TGFB2: variants seen among roughly 807,000 people sequenced by gnomAD.
TGFB2 encodes transforming growth factor beta 2, also known as transforming growth factor beta-2 proprotein.
A neutral mutation model predicts 42.7 loss-of-function variants in TGFB2; 13 were observed. That is an observed-to-expected ratio of 0.30 (90% CI 0.20 to 0.48). The LOEUF (loss-of-function observed/expected upper bound fraction) is 0.48, where lower values mean the gene tolerates loss of function less well. Ranked by LOEUF, TGFB2 falls within the 20% of genes least tolerant of loss-of-function variation. The pLI, the probability that TGFB2 is intolerant of heterozygous loss-of-function variation, is 0.99. For synonymous variants in TGFB2, 193 were observed against 193.6 expected (o/e 1.00, Z 0.03); for missense variants, 390 against 517.5 (o/e 0.75, Z 2.39).
At chr1:218,370,948 A>AGTCTACCAC (rs1657550084) in intron 1 of TGFB2, among the ~76,000 whole-genome samples, 1 of 152,182 alleles carries the variant, frequency 6.6e-6, no homozygotes, top group African/African-American at 2.4e-5. Context: ...CAAATGATAC[A>AGTCTACCAC]GTCTACCACA....
intron 2 of TGFB2, among the ~76,000 whole-genome samples, chr1:218,418,557 C>T (rs1456628315): frequency 1.3e-5 from 2 of 152,056 alleles, no homozygotes; most frequent in Non-Finnish European, 2.9e-5. Flanking sequence ...CTTTGGGGAG[C>T]TGTTGAGAAG....
At chr1:218,389,070 G>A (rs542237900) in intron 1 of TGFB2, among the ~76,000 whole-genome samples, 10 of 152,218 alleles carry the variant, frequency 6.6e-5, no homozygotes, top group South Asian at 4.1e-4. Context: ...CACTTACATC[G>A]AATCATTTGG....
chr1:218,427,649 A>G (rs1336026122), intron 2 of TGFB2, among the ~76,000 whole-genome samples: 4 of 152,088 alleles, frequency 2.6e-5, no homozygotes, highest in Non-Finnish European at 5.9e-5. Flanking sequence ...CCATGTCCCT[A>G]CAGAAGACAT....
intron 1 of TGFB2, among the ~76,000 whole-genome samples, chr1:218,392,285 G>A (rs1890993): frequency 1.1e-4 from 17 of 152,128 alleles, no homozygotes; most frequent in East Asian, 3.9e-4. Context: ...CCCAGGAGGC[G>A]GAGCTTGCAG....
At chr1:218,394,031 C>T (rs780461640) in intron 1 of TGFB2, among the ~76,000 whole-genome samples, 47 of 151,986 alleles carry the variant, frequency 3.1e-4, no homozygotes, top group Admixed American at 3.3e-4. Flanking sequence ...CTCAGCCTCC[C>T]GAGTAGCTGG....
chr1:218,387,152 G>A (rs1247071056), intron 1 of TGFB2, among the ~76,000 whole-genome samples: 1 of 152,048 alleles, frequency 6.6e-6, no homozygotes, highest in Admixed American at 6.6e-5. Flanking sequence ...GACTGACATG[G>A]CATGGGTGTG....
chr1:218,416,544 G>C (rs1024280775), intron 2 of TGFB2, among the ~76,000 whole-genome samples: 4 of 152,142 alleles, frequency 2.6e-5, no homozygotes, highest in African/African-American at 9.7e-5. Context: ...TATGGAAGAG[G>C]AAAATGATAA....
intron 2 of TGFB2, among the ~76,000 whole-genome samples, chr1:218,411,974 T>C (rs1282052640): frequency 2.0e-5 from 3 of 151,182 alleles, no homozygotes; most frequent in Non-Finnish European, 4.4e-5. Context: ...GGAAAGGAAA[T>C]AGATCCCATA....
At position 218,442,249 on chromosome 1, in the gene TGFB2, T is replaced by G. The variant is rs892629012; in HGVS notation, c.*887T>G. ...ACATGTACTGGTCAAACTTCAGACCTTAAAATATTGCTGTATAGCTATGCT... is the reference window on the plus strand; with the variant it reads ...ACATGTACTGGTCAAACTTCAGACCGTAAAATATTGCTGTATAGCTATGCT... On this transcript the variant is annotated 3_prime_UTR_variant, in exon 7 of 7. Transcript: ENST00000366930. 6.6e-6 allele frequency: 1 copy of G among 152,132 alleles called. No homozygotes were observed. Among genetic ancestry groups the G allele is most frequent in the Non-Finnish European group, 1.5e-5 (1 of 68,000 alleles). The allele number at this position is 152,132 out of a possible 1,614,324, so 9.4% of individuals were successfully genotyped here.
chr1:218,346,722 C>A lies in TGFB2; in HGVS notation c.21C>A (p.Ser7Arg). The change falls in exon 1 of 7, where the codon AGC (serine) becomes AGA (arginine). Residue 7 changes from serine (S) to arginine (R), a missense_variant. Ser to Arg is a moderately radical substitution (Grantham distance 110, BLOSUM62 -1). Transcript: ENST00000366930. The surrounding 1 kb of genome is among the most constrained non-coding windows in gnomAD (Gnocchi z 4.9). The stretch of plus-strand genomic sequence containing the variant: ...AAAAAATGCACTACTGTGTGCTGAG[C>A]GCTTTTCTGATCCTGCATCTGGTCA... Reference protein sequence around the residue: MHYCVLSAFLILHLVTV... With the variant: MHYCVLRAFLILHLVTV... The A allele has an allele frequency of 6.2e-7, 1 of 1,613,238 alleles. No homozygotes were observed.
chr1:218,378,017 C>T (rs1657803124), intron 1 of TGFB2, among the ~76,000 whole-genome samples: 1 of 151,986 alleles, frequency 6.6e-6, no homozygotes, highest in South Asian at 2.1e-4. Flanking sequence ...GCTCTGTTTC[C>T]CAGGCTGGAG....
chr1:218,420,728 T>A (rs1197801347), intron 2 of TGFB2, among the ~76,000 whole-genome samples: 2 of 152,178 alleles, frequency 1.3e-5, no homozygotes, highest in Non-Finnish European at 2.9e-5. Context: ...TACTGTATCA[T>A]AATTTCACAT....
chr1:218,355,147 G>A (rs546173744), intron 1 of TGFB2, among the ~76,000 whole-genome samples: 10 of 152,262 alleles, frequency 6.6e-5, no homozygotes, highest in South Asian at 2.1e-4. Flanking sequence ...TGATCCATCC[G>A]CCTCGGTCTC....
intron 1 of TGFB2, among the ~76,000 whole-genome samples, chr1:218,356,427 C>G (rs1198783668): frequency 3.3e-5 from 5 of 152,022 alleles, no homozygotes; most frequent in African/African-American, 9.7e-5. Flanking sequence ...TCATGTTGTT[C>G]AAGCTGGTCT....
chr1:218,412,311 G>T (rs1468042594), intron 2 of TGFB2, among the ~76,000 whole-genome samples: 1 of 152,230 alleles, frequency 6.6e-6, no homozygotes, highest in African/African-American at 2.4e-5. Flanking sequence ...CAGGCAACTT[G>T]CCATCTTGGT....
chr1:218,372,427 T>G (rs115022848), intron 1 of TGFB2, among the ~76,000 whole-genome samples: 3,556 of 152,318 alleles, frequency 0.023, 129 homozygotes, highest in African/African-American at 0.081. Context: ...TTCTCTGTTT[T>G]CCTGGTCTGT....
intron 1 of TGFB2, among the ~76,000 whole-genome samples, chr1:218,359,198 T>A (rs1657135053): frequency 6.6e-6 from 1 of 152,218 alleles, no homozygotes; most frequent in Non-Finnish European, 1.5e-5. Flanking sequence ...CACCTTCAGA[T>A]GGATCTGTTA....
chr1:218,431,913 A>T (rs1184590591), intron 2 of TGFB2, among the ~76,000 whole-genome samples: 1 of 152,188 alleles, frequency 6.6e-6, no homozygotes, highest in Non-Finnish European at 1.5e-5. Flanking sequence ...TTCCTAGGAG[A>T]TGGACTGCTA....
chr1:218,354,815 GT>G (rs1006188150), intron 1 of TGFB2, among the ~76,000 whole-genome samples: 29 of 151,566 alleles, frequency 1.9e-4, no homozygotes, highest in African/African-American at 5.6e-4. Context: ...CACAACCTGG[GT>G]TTTTTTTTCT....
Sources: allele counts gnomAD v4.1 joint callset (sites outside exome capture counted in the v4.1 genomes callset), GRCh38; gene constraint gnomAD v4.1.1; non-coding constraint Gnocchi (gnomAD v3.1); transcripts MANE v1.5; gene names NCBI Gene and HGNC (gene_info 2026-07-23, HGNC 2026-07-21).